The following ADPRHL1 variants were observed in gnomAD, a reference collection of about 807,000 sequenced individuals.
ADPRHL1 encodes inactive ADP-ribosyltransferase ARH2.
ADPRHL1 carries 43 observed loss-of-function variants against 44.1 expected under a neutral mutation model. That is an observed-to-expected ratio of 0.98 (90% CI 0.76 to 1.26). The LOEUF is 1.26. Ranked by LOEUF, ADPRHL1 falls within the 50% of genes most tolerant of loss-of-function variation. ADPRHL1 has a pLI of 0.00. For synonymous variants in ADPRHL1, 878 were observed against 1,017.4 expected (o/e 0.86, Z 2.61); for missense variants, 2,022 against 2,496.9 (o/e 0.81, Z 4.05).
At chr13:113,428,429 G>A (rs895125171) in intron 4 of ADPRHL1, among the ~76,000 whole-genome samples, 1 of 152,090 alleles carries the variant, frequency 6.6e-6, no homozygotes, top group Non-Finnish European at 1.5e-5. Context: ...TCCCCCTGCC[G>A]CCCCCTCCCC....
At chr13:113,424,395 C>T in intron 5 of ADPRHL1, 46 bp from the exon 6 acceptor site, 1 of 1,610,898 alleles carries the variant, frequency 6.2e-7, no homozygotes. Context: ...AGTGGAGCCA[C>T]TTCTGGGTAT....
intron 2 of ADPRHL1, among the ~76,000 whole-genome samples, chr13:113,436,376 T>C (rs1194909815): frequency 4.2e-5 from 2 of 48,064 alleles, no homozygotes; most frequent in Admixed American, 2.3e-4. Context: ...AGGTGTAGGG[T>C]GAACATAGGT....
intron 7 of ADPRHL1, among the ~76,000 whole-genome samples, chr13:113,416,094 A>G (rs2043886145): frequency 1.3e-5 from 2 of 151,306 alleles, no homozygotes; most frequent in African/African-American, 4.9e-5. Flanking sequence ...TCTGAGCATC[A>G]TTGCAACGGT....
At chr13:113,435,487 T>C (rs1279460305) in intron 2 of ADPRHL1, among the ~76,000 whole-genome samples, 64 of 49,472 alleles carry the variant, frequency 1.3e-3, no homozygotes, top group Admixed American at 2.4e-3. Flanking sequence ...GGCACCCAGG[T>C]GTAGAGTGAA....
In ADPRHL1 at chr13:113,441,217, A is replaced by G. The variant is rs1227295472; in HGVS notation, c.379+3208T>C. On this transcript the variant is annotated intron_variant, in intron 2 of 7. Coordinates refer to ENST00000612156, the MANE Select transcript of ADPRHL1 (RefSeq NM_001394807.1). The surrounding 1 kb of genome is among the most constrained non-coding windows in gnomAD (Gnocchi z 6.0). ...GGGGCTGGGACCTGCTTCTTTATCT[A>G]ATGTGACAACTTCTGACTGTTATTG... 6.6e-6 allele frequency among the ~76,000 whole-genome samples: 1 copy of G among 152,116 alleles called. No individual in the cohort carries two copies. Among genetic ancestry groups the G allele is most frequent in the African/African-American group, 2.4e-5 (1 of 41,414 alleles).
At chr13:113,448,053 T>C (rs1335258155) in intron 1 of ADPRHL1, among the ~76,000 whole-genome samples, 1 of 152,196 alleles carries the variant, frequency 6.6e-6, no homozygotes. Context: ...ACAAACAGCA[T>C]TGTCTTTTCA....
intron 4 of ADPRHL1, among the ~76,000 whole-genome samples, chr13:113,425,561 G>A (rs1002945172): frequency 1.4e-4 from 22 of 152,012 alleles, no homozygotes; most frequent in Admixed American, 7.2e-4. Flanking sequence ...TAGTAGAGAC[G>A]AGGTTTCACC....
At chr13:113,444,686 G>A (rs775624841) in intron 1 of ADPRHL1, 97 bp from the exon 2 acceptor site, 3 of 1,443,370 alleles carry the variant, frequency 2.1e-6, no homozygotes, top group Non-Finnish European at 2.8e-6. Flanking sequence ...GGGAAGAAAG[G>A]GAGGGCAGAC....
At chr13:113,444,222 G>T (rs3814257) in intron 2 of ADPRHL1, among the ~76,000 whole-genome samples, 2 of 151,964 alleles carry the variant, frequency 1.3e-5, no homozygotes, top group African/African-American at 2.4e-5. Flanking sequence ...TGACCAGGAG[G>T]GGCCCCTGCC....
chr13:113,421,616 A>C (rs4907640), intron 7 of ADPRHL1, among the ~76,000 whole-genome samples: 3 of 152,126 alleles, frequency 2.0e-5, no homozygotes, highest in Non-Finnish European at 4.4e-5. Context: ...GACCCAATGC[A>C]CCTGGGAGCT....
intron 4 of ADPRHL1, among the ~76,000 whole-genome samples, chr13:113,426,305 C>A (rs1472077709): frequency 6.6e-6 from 1 of 152,226 alleles, no homozygotes; most frequent in East Asian, 1.9e-4. Flanking sequence ...AGCACCCCTG[C>A]CCGCCACACC....
In ADPRHL1 at chr13:113,441,484, T is replaced by C. The variant is rs1203508575; in HGVS notation, c.379+2941A>G. ...GCTCGTTACAGCTGTGGGATGACAC[T>C]GTGGCATACACGGTGTGGGAACCTC... On this transcript the variant is annotated intron_variant, in intron 2 of 7. Transcript: ENST00000612156. This position sits in a 1 kb window ranked among gnomAD's most constrained non-coding sequence, Gnocchi z 6.0. 6.6e-6 allele frequency among the ~76,000 whole-genome samples: 1 copy of C among 152,214 alleles called. No homozygotes were observed. Among genetic ancestry groups the C allele is most frequent in the Non-Finnish European group, 1.5e-5 (1 of 68,040 alleles).
rs376185914 is a variant in ADPRHL1 at position 113,414,096 on chromosome 13, C to T, written c.1062-5876G>A. On this transcript the variant is annotated intron_variant, in intron 7 of 7. Transcript: ENST00000612156. ...CTGGGCTCACCCGAGCCTGGCCCTG[C>T]GGCAGGGAACACCCTCAGCCGCAGT... Among the ~76,000 whole-genome samples, 17 of 152,316 alleles carry T rather than the reference C, an allele frequency of 1.1e-4. No individual in the cohort carries two copies. The East Asian group carries it at 1.9e-3, about 17-fold the overall frequency.
At chr13:113,431,595 G>A (rs780228119) in intron 3 of ADPRHL1, among the ~76,000 whole-genome samples, 7 of 152,220 alleles carry the variant, frequency 4.6e-5, no homozygotes, top group Non-Finnish European at 8.8e-5. Flanking sequence ...GAGGTGGTTT[G>A]AAAATGGAAA....
Position 113,407,722 on chromosome 13 carries a change from T to C in ADPRHL1, c.1560A>G (p.Lys520=). 1.6e-6 allele frequency: 2 copies of C among 1,232,114 alleles called. No homozygotes were observed. Among genetic ancestry groups the C allele is most frequent in the Non-Finnish European group, 2.0e-6 (2 of 988,028 alleles). 76.3% of individuals were successfully genotyped at this position (1,232,114 alleles called of 1,614,324 possible). A position where few individuals can be genotyped will look rare whatever the true frequency, so the allele number is the denominator to read the frequency against. Residue 520 remains lysine, a synonymous_variant, in exon 8 of 8, where the codon AAA becomes AAG. Transcript: ENST00000612156. The part of the protein sequence containing the change: ...LAAEEKEAKE[K]EAREKPPVER... Reference sequence around the variant, plus strand: ...CCACAGGGGGCTTCTCGCGTGCTTCTTTCTCCTTCGCCTCCTTCTCCTCGG... The same window carrying C: ...CCACAGGGGGCTTCTCGCGTGCTTCCTTCTCCTTCGCCTCCTTCTCCTCGG...
chr13:113,415,770 AAGAGAG>A (rs1555325969), intron 7 of ADPRHL1, among the ~76,000 whole-genome samples: 1 of 132,850 alleles, frequency 7.5e-6, no homozygotes. Flanking sequence ...AAAAAAAAAA[AAGAGAG>A]AGAGAGAGAA....
chr13:113,442,661 T>C (rs1459292195), intron 2 of ADPRHL1, among the ~76,000 whole-genome samples: 3 of 152,250 alleles, frequency 2.0e-5, no homozygotes, highest in Admixed American at 1.3e-4. Context: ...ATCTAACTAC[T>C]GTGTGCCTTG....
chr13:113,433,561 G>A (rs78164312), intron 3 of ADPRHL1, among the ~76,000 whole-genome samples, 181 bp downstream of exon 3: 16,132 of 152,244 alleles, frequency 0.11, 896 homozygotes, highest in Middle Eastern at 0.13. Context: ...TCCCGGGCAG[G>A]GCGCCCTCAC....
At chr13:113,413,396 G>GT (rs1022467368) in intron 7 of ADPRHL1, among the ~76,000 whole-genome samples, 1 of 150,926 alleles carries the variant, frequency 6.6e-6, no homozygotes, top group Non-Finnish European at 1.5e-5. Flanking sequence ...GAGCCCCACG[G>GT]TGACCCACAC....
Sources: allele counts gnomAD v4.1 joint callset (sites outside exome capture counted in the v4.1 genomes callset), GRCh38; gene constraint gnomAD v4.1.1; non-coding constraint Gnocchi (gnomAD v3.1); transcripts MANE v1.5; gene names NCBI Gene and HGNC (gene_info 2026-07-23, HGNC 2026-07-21).